Variants in MACROD2 observed in about 807,000 individuals in gnomAD.
The protein encoded by MACROD2 is mono-ADP ribosylhydrolase 2.
A neutral mutation model predicts 70.4 loss-of-function variants in MACROD2; 36 were observed. The ratio of observed to expected loss-of-function variants is 0.51; its 90% CI spans 0.39 to 0.68. The LOEUF (loss-of-function observed/expected upper bound fraction) is 0.68, where lower values mean the gene tolerates loss of function less well. Ranked by LOEUF, MACROD2 falls within the 30% of genes least tolerant of loss-of-function variation. The pLI is 0.00. For synonymous variants in MACROD2, 172 were observed against 178.8 expected (o/e 0.96, Z 0.30); for missense variants, 496 against 538.4 (o/e 0.92, Z 0.78).
chr20:14,551,327 T>A (rs569156583), intron 4 of MACROD2, among the ~76,000 whole-genome samples: 3 of 152,330 alleles, frequency 2.0e-5, no homozygotes, highest in African/African-American at 7.2e-5. Context: ...AAATATTGAT[T>A]TAAATAATGA....
At chr20:14,829,269 A>G (rs1380100115) in intron 5 of MACROD2, among the ~76,000 whole-genome samples, 2 of 151,328 alleles carry the variant, frequency 1.3e-5, no homozygotes, top group African/African-American at 2.4e-5. Context: ...AGCTGGGACT[A>G]CAGGTGCCTG....
chr20:15,943,730 T>C (rs573343906), intron 12 of MACROD2, among the ~76,000 whole-genome samples: 1 of 152,280 alleles, frequency 6.6e-6, no homozygotes, highest in East Asian at 1.9e-4. Context: ...GATTTTATTA[T>C]GGTTAACCGC....
At chr20:14,783,411 G>T (rs2072326388) in intron 5 of MACROD2, among the ~76,000 whole-genome samples, 2 of 152,090 alleles carry the variant, frequency 1.3e-5, no homozygotes, top group African/African-American at 2.4e-5. Flanking sequence ...CTCTTATTTT[G>T]TTGTGTCTAA....
chr20:15,563,019 C>T (rs916541279), intron 8 of MACROD2, among the ~76,000 whole-genome samples: 2 of 152,190 alleles, frequency 1.3e-5, no homozygotes, highest in Non-Finnish European at 2.9e-5. Context: ...AGAAAACCAA[C>T]AGCTTCCCCT....
chr20:15,535,857 A>G (rs1012573811), intron 8 of MACROD2, among the ~76,000 whole-genome samples: 2 of 152,242 alleles, frequency 1.3e-5, no homozygotes, highest in Non-Finnish European at 2.9e-5. Flanking sequence ...ATCATCCCTA[A>G]ACAATGCCTA....
chr20:15,625,550 A>T (rs926248615), intron 8 of MACROD2, among the ~76,000 whole-genome samples: 1 of 152,248 alleles, frequency 6.6e-6, no homozygotes, highest in Non-Finnish European at 1.5e-5. Context: ...ATCCATTATG[A>T]TACAAAAAGT....
At chr20:15,941,741 T>C (rs1411136845) in intron 12 of MACROD2, among the ~76,000 whole-genome samples, 1 of 152,204 alleles carries the variant, frequency 6.6e-6, no homozygotes, top group Non-Finnish European at 1.5e-5. Context: ...AAGAAGCCCT[T>C]GCTCTCTTGA....
chr20:15,121,215 T>A (rs1478862033), intron 5 of MACROD2, among the ~76,000 whole-genome samples: 1 of 152,108 alleles, frequency 6.6e-6, no homozygotes, highest in Admixed American at 6.6e-5. Context: ...TATTTTTGTT[T>A]TAAGAAAATG....
intron 6 of MACROD2, among the ~76,000 whole-genome samples, chr20:15,389,881 T>C (rs1403616229): frequency 2.0e-5 from 3 of 152,228 alleles, no homozygotes; most frequent in Non-Finnish European, 2.9e-5. Context: ...TAAATGTTCC[T>C]GGTACTAATT....
chr20:14,557,764 C>T (rs1452301658), intron 4 of MACROD2, among the ~76,000 whole-genome samples: 1 of 151,634 alleles, frequency 6.6e-6, no homozygotes, highest in Admixed American at 6.6e-5. Context: ...GAACACTTAC[C>T]CATTGCTGGT....
intron 5 of MACROD2, among the ~76,000 whole-genome samples, chr20:14,788,138 C>G (rs528819725): frequency 6.6e-6 from 1 of 152,034 alleles, no homozygotes; most frequent in African/African-American, 2.4e-5. Context: ...TATTAAGCAC[C>G]AAGAAATGAA....
intron 8 of MACROD2, among the ~76,000 whole-genome samples, chr20:15,795,907 A>T (rs1404982224): frequency 6.6e-6 from 1 of 151,936 alleles, no homozygotes; most frequent in Non-Finnish European, 1.5e-5. Context: ...CTTACCTCTC[A>T]CTCATAATGC....
At chr20:14,538,301 G>T (rs1161268792) in intron 4 of MACROD2, among the ~76,000 whole-genome samples, 2 of 152,188 alleles carry the variant, frequency 1.3e-5, no homozygotes, top group African/African-American at 4.8e-5. Flanking sequence ...GGCAGGACTA[G>T]AATATCCCTG....
chr20:16,027,050 G>T (rs1348216301), intron 15 of MACROD2, among the ~76,000 whole-genome samples: 2 of 152,130 alleles, frequency 1.3e-5, no homozygotes, highest in South Asian at 4.2e-4. Flanking sequence ...GTGTGATATT[G>T]CTTTGTGAAA....
At chr20:14,736,025 A>G (rs1211738776) in intron 5 of MACROD2, among the ~76,000 whole-genome samples, 2 of 152,182 alleles carry the variant, frequency 1.3e-5, no homozygotes, top group African/African-American at 4.8e-5. Context: ...CTTGTACACA[A>G]ATGTTTATAG....
intron 8 of MACROD2, among the ~76,000 whole-genome samples, chr20:15,821,872 G>T (rs1418695883): frequency 6.6e-6 from 1 of 152,096 alleles, no homozygotes; most frequent in Non-Finnish European, 1.5e-5. Flanking sequence ...GTCCCCTGTG[G>T]ATACCGAGGG....
At chr20:14,103,017 A>AT (rs1457536289) in intron 3 of MACROD2, among the ~76,000 whole-genome samples, 1 of 151,994 alleles carries the variant, frequency 6.6e-6, no homozygotes, top group Non-Finnish European at 1.5e-5. Flanking sequence ...TTAAATTATC[A>AT]TTTTTTGTTG....
At chr20:15,418,028 T>G (rs1217229141) in intron 6 of MACROD2, among the ~76,000 whole-genome samples, 1 of 152,220 alleles carries the variant, frequency 6.6e-6, no homozygotes, top group Non-Finnish European at 1.5e-5. Context: ...GACTCTGTTC[T>G]GCAGTGGAAA....
intron 6 of MACROD2, among the ~76,000 whole-genome samples, chr20:15,271,692 A>C (rs2077347861): frequency 6.6e-6 from 1 of 152,162 alleles, no homozygotes; most frequent in South Asian, 2.1e-4. Context: ...AGGTAGGTGA[A>C]CCCTACATTT....
Sources: gnomAD v4.1 joint callset for allele counts (sites outside exome capture counted in the v4.1 genomes callset) on GRCh38, gnomAD v4.1.1 for gene constraint, MANE v1.5 for transcripts, NCBI Gene and HGNC (gene_info 2026-07-23, HGNC 2026-07-21) for gene names.